The following BACE1 variants were observed in gnomAD, a reference collection of about 807,000 sequenced individuals.
BACE1 encodes the protein beta-secretase 1.
Under a neutral mutation model 54.0 loss-of-function variants are expected in BACE1, and 21 were observed. That is an observed-to-expected ratio of 0.39 (90% CI 0.28 to 0.56). BACE1 has a LOEUF of 0.56. BACE1 is among the 20% of genes least tolerant of loss of function. The pLI, the probability that BACE1 is intolerant of heterozygous loss-of-function variation, is 0.63. For missense variants in BACE1, 511 were observed against 661.2 expected (o/e 0.77, Z 2.49); for synonymous variants, 232 against 260.9 (o/e 0.89, Z 1.07).
chr11:117,294,748 CATG>C (rs1321352824), intron 3 of BACE1, among the ~76,000 whole-genome samples: 1 of 151,604 alleles, frequency 6.6e-6, no homozygotes, highest in Non-Finnish European at 1.5e-5. Context: ...AGCCGGGCGT[CATG>C]GTGGGCGCCT....
At chr11:117,296,744 C>T (rs530418373) in intron 2 of BACE1, 129 bp downstream of exon 2, 30 of 689,606 alleles carry the variant, frequency 4.4e-5, no homozygotes, top group Middle Eastern at 8.2e-4. Context: ...GTCTTTTTTT[C>T]GCCCTTCCCC....
rs1271297332 is a variant in BACE1, at chr11:117,288,610, A to G, written c.*956T>C. The G allele has an allele frequency of 6.6e-6, 1 of 152,650 alleles. No homozygotes were observed. The highest frequency in any genetic ancestry group is 2.4e-5 in the African/African-American group (1 of 41,462). The allele number at this position is 152,650 out of a possible 1,614,324, so 9.5% of individuals were successfully genotyped here. A position where few individuals can be genotyped will look rare whatever the true frequency, so the allele number is the denominator to read the frequency against. On this transcript the variant is annotated 3_prime_UTR_variant, in exon 9 of 9. Transcript: ENST00000313005. ...CCTGCTATAGTCCAGTTGCTCTCCCACAGGGCACCTGGAGCTTAGGGGGTT... is the reference window on the plus strand; with the variant it reads ...CCTGCTATAGTCCAGTTGCTCTCCCGCAGGGCACCTGGAGCTTAGGGGGTT...
intron 1 of BACE1, among the ~76,000 whole-genome samples, chr11:117,308,510 C>A (rs2034879588): frequency 1.3e-5 from 2 of 152,174 alleles, no homozygotes; most frequent in Admixed American, 6.6e-5. Flanking sequence ...GTATTTGAAC[C>A]CCTACTCTGT....
chr11:117,302,652 G>A (rs1360247518), intron 1 of BACE1, among the ~76,000 whole-genome samples: 3 of 152,244 alleles, frequency 2.0e-5, no homozygotes, highest in Admixed American at 2.0e-4. Flanking sequence ...GGAGGCCAAG[G>A]CGGGCAGATC....
At chr11:117,295,853 G>T (rs1009503275) in intron 2 of BACE1, among the ~76,000 whole-genome samples, 1 of 152,208 alleles carries the variant, frequency 6.6e-6, no homozygotes, top group Non-Finnish European at 1.5e-5. Context: ...AGAAAAGCAG[G>T]TTGGTATTAC....
intron 1 of BACE1, among the ~76,000 whole-genome samples, chr11:117,306,808 C>T (rs1403162702): frequency 6.6e-6 from 1 of 151,636 alleles, no homozygotes; most frequent in Non-Finnish European, 1.5e-5. Flanking sequence ...GAGACCCTGT[C>T]TCAAGAAAAA....
Position 117,293,785 on chromosome 11 carries a change from CTG to C in BACE1, c.705+84_705+85del. The C allele has an allele frequency of 7.0e-7, 1 of 1,419,162 alleles. No individual in the cohort carries two copies. Among genetic ancestry groups the C allele is most frequent in the Middle Eastern group, 2.6e-4 (1 of 3,774 alleles). The allele number at this position is 1,419,162 out of a possible 1,614,324, so 87.9% of individuals were successfully genotyped here. A position where few individuals can be genotyped will look rare whatever the true frequency, so the allele number is the denominator to read the frequency against. ...CTGATTCTAAGTATCGGAGCCAAAA[CTG>C]TGGTGTAGCTTTCAGGAAGGGGAGA... On this transcript the variant is annotated intron_variant, in intron 4 of 8. Coordinates refer to ENST00000313005, the MANE Select transcript of BACE1 (RefSeq NM_012104.6). This position sits in a 1 kb window ranked among gnomAD's most constrained non-coding sequence, Gnocchi z 4.1.
chr11:117,295,182 G>A lies in BACE1; in HGVS notation c.516C>T (p.Asn172=), dbSNP rs749610897. 3.3e-5 allele frequency: 53 copies of A among 1,614,072 alleles called. No individual in the cohort carries two copies. The highest frequency in any genetic ancestry group is 6.7e-5 in the Admixed American group (4 of 60,000). Residue 172 remains asparagine, a synonymous_variant, in exon 3 of 9, where the codon AAC becomes AAT. Coordinates refer to ENST00000313005, the MANE Select transcript of BACE1 (RefSeq NM_012104.6). ...AITESDKFFI[N]GSNWEGILGL... ...CCAGGATGCCTTCCCAGTTGGAGCC[G>A]TTGATGAAGAACTTGTCTGATTCAG...
intron 6 of BACE1, among the ~76,000 whole-genome samples, chr11:117,291,348 C>T (rs2034427922): frequency 6.6e-6 from 1 of 151,442 alleles, no homozygotes; most frequent in Admixed American, 6.6e-5. Context: ...GCAATCATGG[C>T]TCACCGCAAC....
intron 6 of BACE1, 69 bp from the exon 7 acceptor site, chr11:117,291,118 A>G: frequency 6.4e-7 from 1 of 1,555,738 alleles, no homozygotes; most frequent in Non-Finnish European, 8.7e-7. Context: ...CCATGTTCAG[A>G]TACATTAACT....
In BACE1 at chr11:117,288,170, TGTG is replaced by T. The variant is rs539435922; in HGVS notation, c.*1393_*1395del. On this transcript the variant is annotated 3_prime_UTR_variant, in exon 9 of 9. Coordinates refer to ENST00000313005, the MANE Select transcript of BACE1 (RefSeq NM_012104.6). The stretch of plus-strand genomic sequence containing the variant: ...AAGATGACCTTCATCAAGGAGCTCT[TGTG>T]GTGGAGGACATAAGGAAGCCCTGAG... The T allele has an allele frequency of 1.6e-4, 25 of 152,500 alleles. No individual in the cohort carries two copies. The highest frequency in any genetic ancestry group is 5.8e-4 in the African/African-American group (24 of 41,560). The allele number at this position is 152,500 out of a possible 1,614,324, so 9.4% of individuals were successfully genotyped here. A position where few individuals can be genotyped will look rare whatever the true frequency, so the allele number is the denominator to read the frequency against.
chr11:117,293,774 C>G lies in BACE1; in HGVS notation c.705+97G>C, dbSNP rs1433107888. ...AGAGGTTCCTCCTGATTCTAAGTAT[C>G]GGAGCCAAAACTGTGGTGTAGCTTT... On this transcript the variant is annotated intron_variant, in intron 4 of 8. Transcript: ENST00000313005. The surrounding 1 kb of genome is among the most constrained non-coding windows in gnomAD (Gnocchi z 4.1). 5 of 1,313,160 alleles carry G rather than the reference C, an allele frequency of 3.8e-6. No individual in the cohort carries two copies. The highest frequency in any genetic ancestry group is 2.6e-5 in the Admixed American group (1 of 38,584). The allele number at this position is 1,313,160 out of a possible 1,614,324, so 81.3% of individuals were successfully genotyped here.
chr11:117,289,508 A>G lies in BACE1; in HGVS notation c.*58T>C. 6.3e-7 allele frequency: 1 copy of G among 1,584,176 alleles called. No homozygotes were observed. The highest frequency in any genetic ancestry group is 8.6e-7 in the Non-Finnish European group (1 of 1,164,496). On this transcript the variant is annotated 3_prime_UTR_variant, in exon 9 of 9. Coordinates refer to ENST00000313005, the MANE Select transcript of BACE1 (RefSeq NM_012104.6). ...CCATCTGTGTCTCCTACTTGTGACCAAAGTGAACCACGGAGGTGTGGTCCA... is the reference window on the plus strand; with the variant it reads ...CCATCTGTGTCTCCTACTTGTGACCGAAGTGAACCACGGAGGTGTGGTCCA...
Position 117,289,661 on chromosome 11 carries a change from G to A in BACE1, c.1411C>T (p.Leu471=). The change falls in exon 9 of 9, where the codon CTG becomes TTG. Residue 471 remains leucine (L), a synonymous_variant. Coordinates refer to ENST00000313005, the MANE Select transcript of BACE1 (RefSeq NM_012104.6). ...VMAAICALFM[L]PLCLMVCQWR... ...TGACACACCATGAGGCAGAGTGGCA[G>A]CATGAAGAGGGCGCAGATGGCAGCC... The A allele has an allele frequency of 6.2e-7, 1 of 1,614,246 alleles. No homozygotes were observed. The highest frequency in any genetic ancestry group is 8.5e-7 in the Non-Finnish European group (1 of 1,180,042).
chr11:117,300,296 T>G (rs1455018471), intron 1 of BACE1, among the ~76,000 whole-genome samples: 1 of 152,026 alleles, frequency 6.6e-6, no homozygotes, highest in Admixed American at 6.5e-5. Flanking sequence ...AAAACCAGAA[T>G]AAACAGTTGG....
At chr11:117,296,164 T>C (rs1052980737) in intron 2 of BACE1, among the ~76,000 whole-genome samples, 5 of 152,068 alleles carry the variant, frequency 3.3e-5, no homozygotes, top group South Asian at 2.1e-4. Flanking sequence ...TCTCATCCCT[T>C]CTTCTTCCTG....
Position 117,288,811 on chromosome 11 carries a change from C to T in BACE1, c.*755G>A, listed in dbSNP as rs1436393552. 2.0e-5 allele frequency: 3 copies of T among 152,180 alleles called. No homozygotes were observed. The highest frequency in any genetic ancestry group is 4.8e-5 in the African/African-American group (2 of 41,448). 9.4% of individuals were successfully genotyped at this position (152,180 alleles called of 1,614,324 possible). A position where few individuals can be genotyped will look rare whatever the true frequency, so the allele number is the denominator to read the frequency against. ...AAGCCCTTCCCATCTCACTTTTGGT[C>T]AGGCTGCAACCACAGAAAAGAAAAC... On this transcript the variant is annotated 3_prime_UTR_variant, in exon 9 of 9. Coordinates refer to ENST00000313005, the MANE Select transcript of BACE1 (RefSeq NM_012104.6).
At chr11:117,308,176 AAAG>A (rs1374941674) in intron 1 of BACE1, among the ~76,000 whole-genome samples, 1 of 152,032 alleles carries the variant, frequency 6.6e-6, no homozygotes, top group Non-Finnish European at 1.5e-5. Flanking sequence ...GAGAGGAAAA[AAAG>A]AAAAACCACC....
rs1331947645 is a variant in BACE1, at chr11:117,295,741, T to G, written c.351-394A>C. 12 of 1,438,134 alleles carry G rather than the reference T, an allele frequency of 8.3e-6. No individual in the cohort carries two copies. In the Admixed American group the frequency reaches 2.3e-4, roughly 27 times the overall value. The allele number at this position is 1,438,134 out of a possible 1,614,324, so 89.1% of individuals were successfully genotyped here. A position where few individuals can be genotyped will look rare whatever the true frequency, so the allele number is the denominator to read the frequency against. ...GGAACCATTGACTCTCTTACTGCCT[T>G]GGAACCTAGTGGTACCATCCGAGTG... is the stretch of plus-strand genomic sequence containing the variant. On this transcript the variant is annotated intron_variant, in intron 2 of 8. Coordinates refer to ENST00000313005, the MANE Select transcript of BACE1 (RefSeq NM_012104.6).
Sources: gnomAD v4.1 joint callset for allele counts (sites outside exome capture counted in the v4.1 genomes callset) on GRCh38, gnomAD v4.1.1 for gene constraint, Gnocchi (gnomAD v3.1) non-coding constraint, MANE v1.5 for transcripts, NCBI Gene and HGNC (gene_info 2026-07-23, HGNC 2026-07-21) for gene names.